The following STXBP5 variants were observed in gnomAD, a reference collection of about 807,000 sequenced individuals.
The protein encoded by STXBP5 is syntaxin-binding protein 5.
STXBP5 carries 50 observed loss-of-function variants against 152.4 expected under a neutral mutation model. The ratio of observed to expected loss-of-function variants is 0.33; its 90% CI spans 0.26 to 0.42. The LOEUF (loss-of-function observed/expected upper bound fraction) is 0.42, where lower values mean the gene tolerates loss of function less well. STXBP5 is among the 10% of genes least tolerant of loss of function. STXBP5 has a pLI of 1.00. For missense variants in STXBP5, 1,167 were observed against 1,388.6 expected (o/e 0.84, Z 2.54); for synonymous variants, 492 against 494.7 (o/e 0.99, Z 0.07).
intron 2 of STXBP5, among the ~76,000 whole-genome samples, chr6:147,226,087 G>T (rs1482255116): frequency 6.6e-6 from 1 of 152,132 alleles, no homozygotes; most frequent in Non-Finnish European, 1.5e-5. Context: ...CTTGACTCCA[G>T]AAGTTCAAGA....
chr6:147,326,800 A>G (rs745535873), intron 17 of STXBP5, among the ~76,000 whole-genome samples: 15 of 152,204 alleles, frequency 9.9e-5, no homozygotes, highest in Non-Finnish European at 2.1e-4. Context: ...GAAGAGCTCA[A>G]AATGCCCCCA....
At chr6:147,332,579 G>C (rs1008480822) in intron 18 of STXBP5, among the ~76,000 whole-genome samples, 7 of 152,168 alleles carry the variant, frequency 4.6e-5, no homozygotes, top group African/African-American at 1.7e-4. Context: ...TGAGGAGTCA[G>C]TGTGGCTGGA....
chr6:147,299,888 C>A (rs1781719121), intron 9 of STXBP5, among the ~76,000 whole-genome samples: 1 of 151,918 alleles, frequency 6.6e-6, no homozygotes, highest in Admixed American at 6.6e-5. Flanking sequence ...TGTTTGCAAA[C>A]AGAATGACGT....
Position 147,242,222 on chromosome 6 carries a change from TA to T in STXBP5, c.431+2958del, listed in dbSNP as rs952531452. Among the ~76,000 whole-genome samples the T allele has an allele frequency of 2.5e-4, 38 of 150,570 alleles. 1 individual carries two copies. The highest frequency in any genetic ancestry group is 3.8e-4 in the Non-Finnish European group (26 of 67,604). ...TAAAAGTAAAAATAAATTAAACATATAAAAAAGCTTATGGAATAAGGATATA... is the reference window on the plus strand; with the variant it reads ...TAAAAGTAAAAATAAATTAAACATATAAAAAGCTTATGGAATAAGGATATA... On this transcript the variant is annotated intron_variant, in intron 4 of 27. Transcript: ENST00000321680.
intron 9 of STXBP5, among the ~76,000 whole-genome samples, chr6:147,303,190 A>G (rs1003216054): frequency 3.9e-5 from 6 of 152,156 alleles, no homozygotes; most frequent in Admixed American, 6.5e-5. Context: ...TCTCACCCAC[A>G]TCTCATCTTG....
At chr6:147,254,385 A>G (rs563518543) in intron 4 of STXBP5, among the ~76,000 whole-genome samples, 1 of 152,356 alleles carries the variant, frequency 6.6e-6, no homozygotes, top group East Asian at 1.9e-4. Context: ...AGGAATGGGC[A>G]AAGACTTCGT....
At chr6:147,212,335 T>C (rs1353587031) in intron 2 of STXBP5, among the ~76,000 whole-genome samples, 1 of 152,222 alleles carries the variant, frequency 6.6e-6, no homozygotes, top group Non-Finnish European at 1.5e-5. Flanking sequence ...TTGTTTTCTG[T>C]TTGGTTTTCA....
intron 7 of STXBP5, among the ~76,000 whole-genome samples, chr6:147,277,201 A>G (rs144563640): frequency 6.6e-6 from 1 of 152,242 alleles, no homozygotes; most frequent in East Asian, 1.9e-4. Flanking sequence ...ATAAGTATAG[A>G]AAGAACTCAA....
intron 22 of STXBP5, among the ~76,000 whole-genome samples, chr6:147,357,022 C>T (rs529804196): frequency 6.6e-6 from 1 of 152,246 alleles, no homozygotes; most frequent in Admixed American, 6.5e-5. Context: ...ACATGCAAGA[C>T]AGTGTGCGAA....
intron 26 of STXBP5, among the ~76,000 whole-genome samples, chr6:147,379,670 A>C (rs1235730255): frequency 6.6e-6 from 1 of 152,160 alleles, no homozygotes; most frequent in African/African-American, 2.4e-5. Context: ...AAAGCAAGTA[A>C]AAGGCATGCA....
intron 2 of STXBP5, among the ~76,000 whole-genome samples, chr6:147,218,448 C>G (rs1351860392): frequency 6.6e-6 from 1 of 151,670 alleles, no homozygotes; most frequent in East Asian, 1.9e-4. Context: ...TGGTTCTTTT[C>G]TGGTATATAA....
chr6:147,373,647 TAA>T, intron 25 of STXBP5, 82 bp from the exon 26 acceptor site: 1 of 914,526 alleles, frequency 1.1e-6, no homozygotes, highest in South Asian at 1.4e-5. Context: ...GAGCTTAAGT[TAA>T]GGAGTTTACA....
intron 19 of STXBP5, among the ~76,000 whole-genome samples, chr6:147,338,502 G>A (rs1028404776): frequency 6.6e-6 from 1 of 151,722 alleles, no homozygotes; most frequent in Non-Finnish European, 1.5e-5. Context: ...GAAATACTAT[G>A]AGAAATTAGA....
chr6:147,270,067 T>C (rs1019441174), intron 7 of STXBP5, among the ~76,000 whole-genome samples: 3 of 151,946 alleles, frequency 2.0e-5, no homozygotes, highest in Non-Finnish European at 4.4e-5. Context: ...TTAGAGGAAT[T>C]TTAAAAGCCA....
intron 4 of STXBP5, among the ~76,000 whole-genome samples, chr6:147,245,239 G>A (rs541377469): frequency 7.9e-5 from 12 of 151,890 alleles, no homozygotes; most frequent in Non-Finnish European, 1.8e-4. Flanking sequence ...ATATAATTGA[G>A]GAGGGCAGCA....
chr6:147,343,743 A>G (rs986899819), intron 21 of STXBP5, among the ~76,000 whole-genome samples: 4 of 152,206 alleles, frequency 2.6e-5, no homozygotes, highest in African/African-American at 4.8e-5. Flanking sequence ...TGAATGAAAA[A>G]GTGTATATTA....
intron 18 of STXBP5, chr6:147,328,873 AT>A (rs1432155357): frequency 6.9e-6 from 3 of 434,114 alleles, no homozygotes; most frequent in Non-Finnish European, 1.4e-5. Context: ...AAAACGTTCT[AT>A]GTCTAAAACA....
rs1033589464 is a variant in STXBP5, at chr6:147,389,859, T to G, written c.*5104T>G. 2.0e-4 allele frequency: 30 copies of G among 151,850 alleles called. No individual in the cohort carries two copies. Among genetic ancestry groups the G allele is most frequent in the African/African-American group, 6.5e-4 (27 of 41,410 alleles). The allele number at this position is 151,850 out of a possible 1,614,324, so 9.4% of individuals were successfully genotyped here. Reference sequence around the variant, plus strand: ...TTTTTTTTTTGTAAATAAATAGTACTGTGATACTTTAGGTGTGACCTCTAT... The same window carrying G: ...TTTTTTTTTTGTAAATAAATAGTACGGTGATACTTTAGGTGTGACCTCTAT... On this transcript the variant is annotated 3_prime_UTR_variant, in exon 28 of 28. Transcript: ENST00000321680.
intron 9 of STXBP5, among the ~76,000 whole-genome samples, chr6:147,302,747 G>A (rs149424838): frequency 0.02 from 3,060 of 152,192 alleles, 44 homozygotes; most frequent in Admixed American, 0.025. Flanking sequence ...CCCAGGAGGC[G>A]GAGGTTACAG....
Sources: gnomAD v4.1 joint callset for allele counts (sites outside exome capture counted in the v4.1 genomes callset) on GRCh38, gnomAD v4.1.1 for gene constraint, MANE v1.5 for transcripts, NCBI Gene and HGNC (gene_info 2026-07-23, HGNC 2026-07-21) for gene names.